Variants in HINFP observed in about 807,000 individuals in gnomAD.
HINFP encodes the protein MBD2 (methyl-CpG-binding protein)-interacting zinc finger protein.
In HINFP, 20 loss-of-function variants were observed where a neutral mutation model predicts 50.1. That is an observed-to-expected ratio of 0.40 (90% CI 0.28 to 0.58). The LOEUF is 0.58. HINFP is among the 20% of genes least tolerant of loss of function. The pLI, the probability that HINFP is intolerant of heterozygous loss-of-function variation, is 0.45. For synonymous variants in HINFP, 247 were observed against 243.7 expected (o/e 1.01, Z -0.13); for missense variants, 505 against 664.1 (o/e 0.76, Z 2.63).
At chr11:119,130,312 T>C (rs190901441) in intron 2 of HINFP, 176 of 224,118 alleles carry the variant, frequency 7.9e-4, no homozygotes, top group African/African-American at 3.8e-3. Context: ...TATTTACAGA[T>C]ACTCATCCAT....
chr11:119,134,463 G>C lies in HINFP; in HGVS notation c.1519G>C (p.Gly507Arg), dbSNP rs144346284. 6.2e-7 allele frequency: 1 copy of C among 1,610,434 alleles called. No individual in the cohort carries two copies. Among genetic ancestry groups the C allele is most frequent in the East Asian group, 2.2e-5 (1 of 44,798 alleles). ...AGGGGGCATCATGGAAAAGCTTCAA[G>C]GAATAGCTGAGGAGCCAGAGATCCA... ...PSGGIMEKLQGIAEEPEIQMV is the reference protein window; with the variant it reads ...PSGGIMEKLQRIAEEPEIQMV The change falls in exon 10 of 10, where the codon GGA becomes CGA. Residue 507 changes from glycine (G) to arginine (R), a missense_variant. Physicochemically the swap from Gly to Arg is moderately radical, Grantham distance 125. Transcript: ENST00000350777. The surrounding 1 kb of genome is among the most constrained non-coding windows in gnomAD (Gnocchi z 4.3).
rs192556512 is a variant in HINFP at position 119,132,245 on chromosome 11, G to A, written c.677-251G>A. 7 of 616,680 alleles carry A rather than the reference G, an allele frequency of 1.1e-5. No homozygotes were observed. The African/African-American group carries it at 1.3e-4, about 11-fold the overall frequency. The allele number at this position is 616,680 out of a possible 1,614,324, so 38.2% of individuals were successfully genotyped here. On this transcript the variant is annotated intron_variant, in intron 5 of 9. Transcript: ENST00000350777. The stretch of plus-strand genomic sequence containing the variant: ...GCTTCTTATCCCCCTTTTTGCAGAT[G>A]AGGAAACTGAGGCTCAGAGAGGTTA...
At chr11:119,125,593 C>G (rs1404061348) in intron 1 of HINFP, 1 of 152,158 alleles carries the variant, frequency 6.6e-6, no homozygotes, top group Non-Finnish European at 1.5e-5. Flanking sequence ...AGGAGGATCT[C>G]CTGAGCCTGG....
intron 1 of HINFP, chr11:119,124,904 G>A (rs1194580488): frequency 6.6e-6 from 1 of 151,994 alleles, no homozygotes; most frequent in Non-Finnish European, 1.5e-5. Flanking sequence ...CCCGGCAGGT[G>A]GAGGTTGCAG....
At chr11:119,132,147 GC>G in intron 5 of HINFP, 165 bp downstream of exon 5, 1 of 725,124 alleles carries the variant, frequency 1.4e-6, no homozygotes, top group Non-Finnish European at 2.3e-6. Flanking sequence ...AGATTCGTAG[GC>G]ATTGTTATTC....
chr11:119,127,306 G>A (rs540028110), intron 2 of HINFP, 181 bp downstream of exon 2: 13 of 501,344 alleles, frequency 2.6e-5, no homozygotes, highest in African/African-American at 2.0e-4. Flanking sequence ...AAGGATATAA[G>A]GAATAAATCT....
rs1947984113 is a variant in HINFP at position 119,134,780 on chromosome 11, C to G, written c.*282C>G. The G allele has an allele frequency of 3.0e-6, 1 of 337,834 alleles. No individual in the cohort carries two copies. The highest frequency in any genetic ancestry group is 5.5e-6 in the Non-Finnish European group (1 of 183,330). 20.9% of individuals were successfully genotyped at this position (337,834 alleles called of 1,614,324 possible). ...AGGCTGTTATCAGGCTTAACCATAACCCTCAAGATCTGCTTGACAGTGATT... is the reference window on the plus strand; with the variant it reads ...AGGCTGTTATCAGGCTTAACCATAAGCCTCAAGATCTGCTTGACAGTGATT... On this transcript the variant is annotated 3_prime_UTR_variant, in exon 10 of 10. Coordinates refer to ENST00000350777, the MANE Select transcript of HINFP (RefSeq NM_198971.3). The surrounding 1 kb of genome is among the most constrained non-coding windows in gnomAD (Gnocchi z 4.3).
chr11:119,134,198 G>A lies in HINFP; in HGVS notation c.1254G>A (p.Ser418=), dbSNP rs372148448. ...QPQEGSGLGT[S]LNESSLQGII... is the part of the protein sequence containing the mutation. ...AAGAGGGATCGGGCCTGGGAACGTC[G>A]CTGAACGAGAGCAGCCTGCAGGGCA... is the stretch of plus-strand genomic sequence containing the variant. Residue 418 remains serine (S), a synonymous_variant, in exon 10 of 10, where the codon TCG becomes TCA. Transcript: ENST00000350777. This position sits in a 1 kb window ranked among gnomAD's most constrained non-coding sequence, Gnocchi z 4.3. 21 of 1,614,200 alleles carry A rather than the reference G, an allele frequency of 1.3e-5. No individual in the cohort carries two copies. Among genetic ancestry groups the A allele is most frequent in the Non-Finnish European group, 1.5e-5 (18 of 1,180,046 alleles).
intron 1 of HINFP, chr11:119,124,133 T>C (rs1354937777): frequency 6.6e-6 from 1 of 152,110 alleles, no homozygotes; most frequent in Non-Finnish European, 1.5e-5. Flanking sequence ...ATATTTGTAA[T>C]AGGGATTCAC....
chr11:119,133,936 C>T, intron 9 of HINFP, 148 bp from the exon 10 acceptor site: 1 of 1,019,154 alleles, frequency 9.8e-7, no homozygotes, highest in African/African-American at 1.6e-5. Flanking sequence ...CTACATATTC[C>T]AATAAAGACC....
At chr11:119,132,060 G>A in intron 5 of HINFP, 78 bp downstream of exon 5, 1 of 1,517,852 alleles carries the variant, frequency 6.6e-7, no homozygotes, top group South Asian at 1.2e-5. Flanking sequence ...TAGTGGGGGT[G>A]GCCACTGAAG....
rs1036738397 is a variant in HINFP, at chr11:119,135,291, G to C, written c.*793G>C. 6.6e-6 allele frequency: 1 copy of C among 152,338 alleles called. No individual in the cohort carries two copies. The highest frequency in any genetic ancestry group is 2.4e-5 in the African/African-American group (1 of 41,442). The allele number at this position is 152,338 out of a possible 1,614,324, so 9.4% of individuals were successfully genotyped here. ...TGTTTGGCTGTGAGTGGGCAGTAGTGGTGCTATAGAATGAACAAGAATGGG... is the reference window on the plus strand; with the variant it reads ...TGTTTGGCTGTGAGTGGGCAGTAGTCGTGCTATAGAATGAACAAGAATGGG... On this transcript the variant is annotated 3_prime_UTR_variant, in exon 10 of 10. Coordinates refer to ENST00000350777, the MANE Select transcript of HINFP (RefSeq NM_198971.3).
At position 119,131,595 on chromosome 11, in the gene HINFP, G is replaced by A. The variant is rs752433767; in HGVS notation, c.472G>A (p.Glu158Lys). 2 of 1,614,222 alleles carry A rather than the reference G, an allele frequency of 1.2e-6. No homozygotes were observed. Among genetic ancestry groups the A allele is most frequent in the Admixed American group, 1.7e-5 (1 of 60,024 alleles). The change falls in exon 4 of 10, where the codon GAA (glutamate) becomes AAA (lysine). Residue 158 changes from glutamate to lysine, a missense_variant. Transcript: ENST00000350777. This position sits in a 1 kb window ranked among gnomAD's most constrained non-coding sequence, Gnocchi z 4.2. ...TGTGGAAGCACACAGTCTGTGCTGT[G>A]AATACGAAGCAGTCGGCAAGGACAA... The part of the protein sequence containing the change: ...RHVEAHSLCC[E>K]YEAVGKDNPV...
At chr11:119,122,863 C>G (rs1486675939) in intron 1 of HINFP, among the ~76,000 whole-genome samples, 2 of 152,038 alleles carry the variant, frequency 1.3e-5, no homozygotes, top group East Asian at 3.9e-4. Context: ...TGGCTCACAC[C>G]TGTAATCCCA....
At chr11:119,133,898 T>C in intron 9 of HINFP, 186 bp from the exon 10 acceptor site, 2 of 710,044 alleles carry the variant, frequency 2.8e-6, no homozygotes, top group Non-Finnish European at 4.6e-6. Flanking sequence ...CCATTTTGAG[T>C]AATGATCTTT....
intron 5 of HINFP, 96 bp downstream of exon 5, chr11:119,132,078 C>A (rs2135075318): frequency 7.2e-7 from 1 of 1,388,382 alleles, no homozygotes; most frequent in South Asian, 1.3e-5. Flanking sequence ...AAGAGACCTG[C>A]CTTTTGGCTG....
Position 119,130,819 on chromosome 11 carries a change from C to T in HINFP, c.276C>T (p.His92=). 1 of 1,614,242 alleles carries T rather than the reference C, an allele frequency of 6.2e-7. No individual in the cohort carries two copies. Among genetic ancestry groups the T allele is most frequent in the South Asian group, 1.1e-5 (1 of 91,084 alleles). ...GCCATGTCTACTTCCACTGCTACCACACCAAGCTGAAACAGTGGGGGCTGC... is the reference window on the plus strand; with the variant it reads ...GCCATGTCTACTTCCACTGCTACCATACCAAGCTGAAACAGTGGGGGCTGC... ...LIRHVYFHCY[H]TKLKQWGLQA... The change falls in exon 3 of 10, where the codon CAC becomes CAT. Residue 92 remains histidine, a synonymous_variant. Coordinates refer to ENST00000350777, the MANE Select transcript of HINFP (RefSeq NM_198971.3).
At chr11:119,128,035 G>A (rs936674651) in intron 2 of HINFP, among the ~76,000 whole-genome samples, 13 of 151,862 alleles carry the variant, frequency 8.6e-5, no homozygotes, top group Non-Finnish European at 1.6e-4. Context: ...TGTACTTTTA[G>A]TAGAGATGGG....
At chr11:119,126,849 C>G (rs1042469349) in intron 1 of HINFP, 86 bp from the exon 2 acceptor site, 5 of 1,227,202 alleles carry the variant, frequency 4.1e-6, no homozygotes, top group Non-Finnish European at 5.8e-6. Flanking sequence ...CGTGCTGATT[C>G]TAGGCAGGCT....
Sources: allele counts gnomAD v4.1 joint callset (sites outside exome capture counted in the v4.1 genomes callset), GRCh38; gene constraint gnomAD v4.1.1; non-coding constraint Gnocchi (gnomAD v3.1); transcripts MANE v1.5; gene names NCBI Gene and HGNC (gene_info 2026-07-23, HGNC 2026-07-21).